Variants in CWC27 observed in about 807,000 individuals in gnomAD.
CWC27 encodes CWC27 spliceosome associated cyclophilin.
CWC27 carries 47 observed loss-of-function variants against 63.6 expected under a neutral mutation model. The ratio of observed to expected loss-of-function variants is 0.74; its 90% confidence interval spans 0.58 to 0.94. The LOEUF is 0.94. Among genes scored for constraint, CWC27 ranks in the 40% least tolerant of loss-of-function variants. The pLI, the probability that CWC27 is intolerant of heterozygous loss-of-function variation, is 0.00. For missense variants in CWC27, 495 were observed against 554.3 expected (o/e 0.89, Z 1.07); for synonymous variants, 175 against 179.8 (o/e 0.97, Z 0.22).
At chr5:64,841,277 C>G (rs1170625390) in intron 10 of CWC27, among the ~76,000 whole-genome samples, 1 of 152,156 alleles carries the variant, frequency 6.6e-6, no homozygotes, top group South Asian at 2.1e-4. Context: ...GTCCAAACAT[C>G]TTGTTTCAGG....
At chr5:64,939,426 C>T (rs1005971643) in intron 11 of CWC27, among the ~76,000 whole-genome samples, 5 of 152,198 alleles carry the variant, frequency 3.3e-5, no homozygotes, top group African/African-American at 7.2e-5. Flanking sequence ...ATCCTGTTTG[C>T]CTAGTTATTA....
chr5:65,010,827 C>T (rs1749941450), intron 13 of CWC27, among the ~76,000 whole-genome samples: 1 of 152,274 alleles, frequency 6.6e-6, no homozygotes, highest in East Asian at 1.9e-4. Flanking sequence ...TAACTTATTA[C>T]CCTTTTCTCT....
intron 10 of CWC27, among the ~76,000 whole-genome samples, chr5:64,837,942 C>T (rs1226713738): frequency 1.3e-5 from 2 of 152,080 alleles, no homozygotes; most frequent in Non-Finnish European, 2.9e-5. Context: ...TCAAAAAGCA[C>T]CTTAGTTAAT....
intron 10 of CWC27, among the ~76,000 whole-genome samples, chr5:64,813,137 G>A (rs2112231942): frequency 6.6e-6 from 1 of 152,170 alleles, no homozygotes; most frequent in East Asian, 1.9e-4. Context: ...TAGGTGGTTT[G>A]TTTTAATTGC....
rs761013122 is a variant in CWC27 at position 64,908,051 on chromosome 5, T to C, written c.1042+22505T>C. ...GCTATAAATTTCCCTCTACACATGC[T>C]TTAAATATGTCCCAGAGATTCTGGT... On this transcript the variant is annotated intron_variant, in intron 11 of 13. Transcript: ENST00000381070. Among the ~76,000 whole-genome samples, 95 of 152,376 alleles carry C rather than the reference T, an allele frequency of 6.2e-4. 1 individual carries two copies. In the Middle Eastern group the frequency reaches 0.01, roughly 16 times the overall value.
chr5:64,915,422 T>C (rs1245403438), intron 11 of CWC27, among the ~76,000 whole-genome samples: 1 of 152,214 alleles, frequency 6.6e-6, no homozygotes, highest in South Asian at 2.1e-4. Flanking sequence ...TTCTGCAAAG[T>C]TGGCAAACAA....
At chr5:64,909,342 A>G (rs1194109260) in intron 11 of CWC27, among the ~76,000 whole-genome samples, 1 of 152,172 alleles carries the variant, frequency 6.6e-6, no homozygotes, top group Admixed American at 6.5e-5. Flanking sequence ...AGGTAACCCA[A>G]CCTTTCTCTC....
intron 11 of CWC27, among the ~76,000 whole-genome samples, chr5:64,904,714 A>G (rs900709777): frequency 6.6e-6 from 1 of 152,234 alleles, no homozygotes; most frequent in Non-Finnish European, 1.5e-5. Flanking sequence ...CTGTAGACAT[A>G]CTTTAACTAC....
intron 13 of CWC27, among the ~76,000 whole-genome samples, chr5:64,984,849 C>CT (rs549328093): frequency 1.4e-3 from 212 of 152,120 alleles, no homozygotes; most frequent in Non-Finnish European, 2.4e-3. Flanking sequence ...AGTGTTATGT[C>CT]TAAGAATTCT....
chr5:64,835,692 CA>C (rs1745641754), intron 10 of CWC27, among the ~76,000 whole-genome samples: 1 of 151,730 alleles, frequency 6.6e-6, no homozygotes, highest in African/African-American at 2.4e-5. Flanking sequence ...TCTCTTTTAA[CA>C]ATGTATTTTT....
chr5:64,935,373 T>G (rs1472404797), intron 11 of CWC27, among the ~76,000 whole-genome samples: 1 of 152,228 alleles, frequency 6.6e-6, no homozygotes, highest in African/African-American at 2.4e-5. Flanking sequence ...CTTTCCCCAT[T>G]GCTTGTTTTC....
chr5:64,872,855 C>A (rs1188284930), intron 10 of CWC27, among the ~76,000 whole-genome samples: 2 of 152,142 alleles, frequency 1.3e-5, no homozygotes, highest in African/African-American at 4.8e-5. Context: ...AACAAAATTT[C>A]TCCTCTTCCC....
chr5:64,841,462 C>G (rs1745833462), intron 10 of CWC27, among the ~76,000 whole-genome samples: 1 of 152,188 alleles, frequency 6.6e-6, no homozygotes. Flanking sequence ...TAGCACTGTT[C>G]TAGATTCCCT....
chr5:64,971,781 A>G lies in CWC27; in HGVS notation c.1121A>G (p.Gln374Arg). The change falls in exon 12 of 14, where the codon CAG becomes CGG. Residue 374 changes from glutamine (Q) to arginine (R), a missense_variant. Gln to Arg is a conservative substitution (Grantham distance 43, BLOSUM62 1). This residue lies in a region of CWC27 where 463 missense variants were observed against 498.1 expected (regional missense o/e 0.93). Coordinates refer to ENST00000381070, the MANE Select transcript of CWC27 (RefSeq NM_005869.4). ...KQKYEALRKQ[Q>R]SKKGTSREDQ... is the part of the protein sequence containing the mutation. The stretch of plus-strand genomic sequence containing the variant: ...AAGTATGAAGCTTTGAGGAAGCAAC[A>G]GTCAAAGAAGGGAACTTCCCGGGAA... 3 of 1,611,544 alleles carry G rather than the reference A, an allele frequency of 1.9e-6. No individual in the cohort carries two copies. The highest frequency in any genetic ancestry group is 2.5e-6 in the Non-Finnish European group (3 of 1,179,020).
chr5:64,883,204 C>T (rs1746987755), intron 10 of CWC27, among the ~76,000 whole-genome samples: 1 of 152,144 alleles, frequency 6.6e-6, no homozygotes, highest in South Asian at 2.1e-4. Flanking sequence ...AAACTGCCAC[C>T]ATGATCCAAT....
rs150639992 is a variant in CWC27, at chr5:64,856,104, C to G, written c.939-29339C>G. Among the ~76,000 whole-genome samples, 1,441 of 152,014 alleles carry G rather than the reference C, an allele frequency of 9.5e-3. 17 individuals are homozygous for G. Among genetic ancestry groups the G allele is most frequent in the Non-Finnish European group, 9.6e-3 (652 of 67,916 alleles). On this transcript the variant is annotated intron_variant, in intron 10 of 13. Transcript: ENST00000381070. ...GGAGTTTTTAAGATGACTACAAACT[C>G]CAATATTAATTATATTTTAAAGCAG...
chr5:64,802,296 C>T (rs922208135), intron 9 of CWC27, among the ~76,000 whole-genome samples: 2 of 152,020 alleles, frequency 1.3e-5, no homozygotes, highest in African/African-American at 2.4e-5. Flanking sequence ...CAAAATGGTC[C>T]GAAGCAGGAG....
At chr5:64,906,661 G>A (rs1481177796) in intron 11 of CWC27, among the ~76,000 whole-genome samples, 1 of 152,156 alleles carries the variant, frequency 6.6e-6, no homozygotes, top group African/African-American at 2.4e-5. Flanking sequence ...CTGTGCAGAA[G>A]CTCTTTAGTT....
intron 11 of CWC27, among the ~76,000 whole-genome samples, chr5:64,965,470 C>A (rs1033144499): frequency 1.3e-5 from 2 of 152,176 alleles, no homozygotes; most frequent in African/African-American, 4.8e-5. Context: ...TGGTTTCATT[C>A]TCAGTCCATC....
Sources: gnomAD v4.1 joint callset for allele counts (sites outside exome capture counted in the v4.1 genomes callset) on GRCh38, gnomAD v4.1.1 for gene constraint, gnomAD v4.1.1 regional missense constraint, MANE v1.5 for transcripts, NCBI Gene and HGNC (gene_info 2026-07-23, HGNC 2026-07-21) for gene names.